The following FGF12 variants were observed in gnomAD, a reference collection of about 807,000 sequenced individuals.
The protein encoded by FGF12 is fibroblast growth factor 12.
In FGF12, 14 loss-of-function variants were observed where a neutral mutation model predicts 23.6. The observed-to-expected ratio is 0.59, with a 90% CI of 0.39 to 0.93. The LOEUF is 0.93. Among genes scored for constraint, FGF12 ranks in the 40% least tolerant of loss-of-function variants. The pLI, the probability that FGF12 is intolerant of heterozygous loss-of-function variation, is 0.00. For synonymous variants in FGF12, 62 were observed against 77.3 expected, an observed-to-expected ratio of 0.80 and a Z score of 1.04; for missense variants, 175 against 217.8, an observed-to-expected ratio of 0.80 and a Z score of 1.24.
At chr3:192,638,065 A>T (rs1165108309) in intron 2 of FGF12, among the ~76,000 whole-genome samples, 1 of 152,124 alleles carries the variant, frequency 6.6e-6, no homozygotes, top group Non-Finnish European at 1.5e-5. Context: ...CATGACATCT[A>T]AAAATGGTAA....
chr3:192,423,388 C>T (rs1197147150), intron 2 of FGF12, among the ~76,000 whole-genome samples: 1 of 152,120 alleles, frequency 6.6e-6, no homozygotes, highest in Non-Finnish European at 1.5e-5. Context: ...AGCGACTTAA[C>T]ACAGCATTAA....
At chr3:192,421,496 AAGGATG>A (rs1320915465) in intron 2 of FGF12, among the ~76,000 whole-genome samples, 9 of 152,164 alleles carry the variant, frequency 5.9e-5, no homozygotes, top group Admixed American at 1.3e-4. Context: ...AGCCATAAAA[AAGGATG>A]AGTTCATGTC....
At chr3:192,234,557 G>A (rs1381771896) in intron 4 of FGF12, among the ~76,000 whole-genome samples, 1 of 152,126 alleles carries the variant, frequency 6.6e-6, no homozygotes, top group African/African-American at 2.4e-5. Context: ...GTTCTGGGTA[G>A]GAATTCCAGT....
intron 5 of FGF12, among the ~76,000 whole-genome samples, chr3:192,168,077 T>C (rs991445226): frequency 6.6e-6 from 1 of 151,850 alleles, no homozygotes; most frequent in Non-Finnish European, 1.5e-5. Flanking sequence ...GGTGTATTTT[T>C]AAGTGGGGTC....
chr3:192,339,484 C>A (rs1453723584), intron 3 of FGF12, among the ~76,000 whole-genome samples: 1 of 152,176 alleles, frequency 6.6e-6, no homozygotes, highest in East Asian at 1.9e-4. Flanking sequence ...ACATTTCCAG[C>A]TTATCACCTG....
At chr3:192,349,387 C>A (rs1718105678) in intron 3 of FGF12, among the ~76,000 whole-genome samples, 1 of 151,988 alleles carries the variant, frequency 6.6e-6, no homozygotes, top group Non-Finnish European at 1.5e-5. Flanking sequence ...AATTTTAATA[C>A]CCTTTTCCAC....
intron 4 of FGF12, among the ~76,000 whole-genome samples, chr3:192,302,974 G>C (rs1715427157): frequency 6.6e-6 from 1 of 152,172 alleles, no homozygotes; most frequent in Non-Finnish European, 1.5e-5. Flanking sequence ...ATCCAAATCA[G>C]ACAATTCTCA....
At chr3:192,656,113 C>T (rs2108680083) in intron 2 of FGF12, among the ~76,000 whole-genome samples, 1 of 151,156 alleles carries the variant, frequency 6.6e-6, no homozygotes, top group African/African-American at 2.4e-5. Flanking sequence ...GGTATGCACT[C>T]AATAAATGTA....
chr3:192,530,536 T>A (rs554896690), intron 2 of FGF12, among the ~76,000 whole-genome samples: 2 of 152,230 alleles, frequency 1.3e-5, no homozygotes, highest in African/African-American at 2.4e-5. Context: ...TTATTTGAGA[T>A]TATTTTAATA....
intron 2 of FGF12, among the ~76,000 whole-genome samples, chr3:192,448,100 C>T (rs1242614621): frequency 6.6e-6 from 1 of 152,158 alleles, no homozygotes; most frequent in Non-Finnish European, 1.5e-5. Context: ...TATACACATA[C>T]ACATATAAGC....
intron 2 of FGF12, among the ~76,000 whole-genome samples, chr3:192,542,981 C>T (rs1481975623): frequency 6.6e-6 from 1 of 152,050 alleles, no homozygotes; most frequent in East Asian, 1.9e-4. Flanking sequence ...GGGGTCTCAC[C>T]CAAGGGCTGT....
chr3:192,563,071 G>A (rs1328369678), intron 2 of FGF12, among the ~76,000 whole-genome samples: 4 of 152,204 alleles, frequency 2.6e-5, no homozygotes, highest in African/African-American at 9.7e-5. Flanking sequence ...GGACGTATAA[G>A]TGGCTTTTAT....
chr3:192,611,978 A>G (rs1281953915), intron 2 of FGF12, among the ~76,000 whole-genome samples: 1 of 152,022 alleles, frequency 6.6e-6, no homozygotes, highest in Admixed American at 6.6e-5. Flanking sequence ...TGAGGCAGAC[A>G]TTCTACGGAG....
intron 4 of FGF12, among the ~76,000 whole-genome samples, chr3:192,237,192 T>C (rs1053993148): frequency 2.6e-5 from 4 of 152,218 alleles, no homozygotes; most frequent in Non-Finnish European, 5.9e-5. Flanking sequence ...AGGGTTCTGC[T>C]GAAAAGTGCA....
chr3:192,172,812 A>G (rs1715639836), intron 4 of FGF12, among the ~76,000 whole-genome samples: 1 of 151,014 alleles, frequency 6.6e-6, no homozygotes, highest in African/African-American at 2.4e-5. Flanking sequence ...GATTAATGAA[A>G]ACATATGTCC....
In FGF12 at chr3:192,658,169, C is replaced by T. The variant is rs566907384; in HGVS notation, c.13+69012G>A. ...AACCATGGTAAATGTGCTACATAAT[C>T]AATCAGTCCACTGTTTAAAAAATTA... On this transcript the variant is annotated intron_variant, in intron 2 of 5. Coordinates refer to ENST00000445105, the MANE Select transcript of FGF12 (RefSeq NM_004113.6). Among the ~76,000 whole-genome samples the T allele has an allele frequency of 2.6e-5, 4 of 152,304 alleles. No individual in the cohort carries two copies. In the South Asian group the frequency reaches 6.2e-4, roughly 24 times the overall value.
At chr3:192,583,304 G>T (rs556329555) in intron 2 of FGF12, among the ~76,000 whole-genome samples, 2 of 152,118 alleles carry the variant, frequency 1.3e-5, no homozygotes, top group African/African-American at 4.8e-5. Flanking sequence ...TCAGATGAGC[G>T]ATGCGAATCG....
At chr3:192,211,452 C>A (rs1228721292) in intron 4 of FGF12, among the ~76,000 whole-genome samples, 1 of 151,842 alleles carries the variant, frequency 6.6e-6, no homozygotes, top group African/African-American at 2.4e-5. Context: ...TGAGACGGAC[C>A]CTCGCTCTTG....
intron 2 of FGF12, among the ~76,000 whole-genome samples, chr3:192,694,251 G>A (rs1718035987): frequency 6.6e-6 from 1 of 152,110 alleles, no homozygotes; most frequent in African/African-American, 2.4e-5. Context: ...AAAAAATGTT[G>A]GCAAGGGTGG....
Sources: allele counts gnomAD v4.1 joint callset (sites outside exome capture counted in the v4.1 genomes callset), GRCh38; gene constraint gnomAD v4.1.1; transcripts MANE v1.5; gene names NCBI Gene and HGNC (gene_info 2026-07-23, HGNC 2026-07-21).